The following CSMD1 variants were observed in gnomAD, a reference collection of about 807,000 sequenced individuals.
The protein encoded by CSMD1 is CUB and Sushi multiple domains 1.
Under a neutral mutation model 417.5 loss-of-function variants are expected in CSMD1, and 213 were observed. The ratio of observed to expected loss-of-function variants is 0.51; its 90% CI spans 0.46 to 0.57. CSMD1 has a LOEUF of 0.57. Ranked by LOEUF, CSMD1 falls within the 20% of genes least tolerant of loss-of-function variation. CSMD1 has a pLI of 0.00. For synonymous variants in CSMD1, 2,862 were observed against 1,736.8 expected, an observed-to-expected ratio of 1.65 and a Z score of -16.11; for missense variants, 6,923 against 4,529.7, an observed-to-expected ratio of 1.53 and a Z score of -15.17.
intron 3 of CSMD1, among the ~76,000 whole-genome samples, chr8:4,275,285 T>G (rs1309703238): frequency 6.6e-6 from 1 of 152,162 alleles, no homozygotes; most frequent in African/African-American, 2.4e-5. Context: ...CTTTTATGTT[T>G]TATTAAGAAC....
At chr8:4,405,052 G>A (rs959602333) in intron 3 of CSMD1, among the ~76,000 whole-genome samples, 2 of 152,192 alleles carry the variant, frequency 1.3e-5, no homozygotes, top group East Asian at 1.9e-4. Flanking sequence ...GACTATGCTG[G>A]ACACTTTCTC....
chr8:3,760,568 T>C (rs914458232), intron 5 of CSMD1, among the ~76,000 whole-genome samples: 6 of 152,226 alleles, frequency 3.9e-5, no homozygotes, highest in African/African-American at 1.4e-4. Context: ...GCTGAACACA[T>C]TGTTCTAACA....
intron 5 of CSMD1, among the ~76,000 whole-genome samples, chr8:3,940,358 G>A (rs1223169434): frequency 2.6e-5 from 4 of 151,816 alleles, no homozygotes; most frequent in African/African-American, 9.7e-5. Context: ...GCAATGGTGG[G>A]GGGAAAACAG....
At chr8:3,409,329 C>T in intron 13 of CSMD1, 94 bp downstream of exon 13, 1 of 1,197,722 alleles carries the variant, frequency 8.3e-7, no homozygotes, top group Non-Finnish European at 1.1e-6. Flanking sequence ...GAAAGCTGCC[C>T]TCCCTAAATG....
chr8:3,679,526 T>C (rs1294518902), intron 7 of CSMD1, among the ~76,000 whole-genome samples: 2 of 152,132 alleles, frequency 1.3e-5, no homozygotes, highest in Admixed American at 6.5e-5. Context: ...AGCACCCAGA[T>C]TCATAAAGCA....
chr8:3,656,471 A>G (rs140513523), intron 7 of CSMD1, among the ~76,000 whole-genome samples: 1 of 152,292 alleles, frequency 6.6e-6, no homozygotes, highest in East Asian at 1.9e-4. Flanking sequence ...GGTGGACAGA[A>G]ATCTGCATCT....
chr8:4,420,599 A>T (rs1585047366), intron 2 of CSMD1, among the ~76,000 whole-genome samples: 1 of 152,168 alleles, frequency 6.6e-6, no homozygotes, highest in South Asian at 2.1e-4. Flanking sequence ...TGTGCACTCA[A>T]ACATGAAAGT....
At chr8:4,550,456 T>C (rs1797821281) in intron 2 of CSMD1, among the ~76,000 whole-genome samples, 1 of 152,066 alleles carries the variant, frequency 6.6e-6, no homozygotes, top group South Asian at 2.1e-4. Flanking sequence ...CTAAAGGTAT[T>C]GCATTTTTAG....
chr8:3,702,226 G>T (rs1424323172), intron 7 of CSMD1: 1 of 152,168 alleles, frequency 6.6e-6, no homozygotes, highest in African/African-American at 2.4e-5. Context: ...ACAAAGTGTT[G>T]TAACTGCAAA....
At chr8:4,007,087 C>G (rs1279801292) in intron 4 of CSMD1, among the ~76,000 whole-genome samples, 1 of 152,036 alleles carries the variant, frequency 6.6e-6, no homozygotes, top group Admixed American at 6.6e-5. Context: ...ATCCAGCCAC[C>G]TCGGCCTCCC....
chr8:4,537,201 G>A (rs1040947948), intron 2 of CSMD1, among the ~76,000 whole-genome samples: 3 of 152,048 alleles, frequency 2.0e-5, no homozygotes, highest in Admixed American at 6.6e-5. Context: ...CAGCATTAAA[G>A]GGAAATATAA....
At chr8:4,924,084 G>C (rs62488173) in intron 1 of CSMD1, among the ~76,000 whole-genome samples, 9,212 of 152,224 alleles carry the variant, frequency 0.061, 384 homozygotes, top group Non-Finnish European at 0.078. Flanking sequence ...AACAAGACAA[G>C]TTTCTGCCGT....
intron 10 of CSMD1, among the ~76,000 whole-genome samples, chr8:3,511,722 C>T (rs7011139): frequency 0.034 from 5,108 of 148,214 alleles, 332 homozygotes; most frequent in East Asian, 0.22. Flanking sequence ...CACTATTGCC[C>T]TCCAGCAGGG....
At position 3,110,240 on chromosome 8, in the gene CSMD1, T is replaced by C. The variant is rs750634590; in HGVS notation, c.6526A>G (p.Ile2176Val). ...ACTCCGTGCCCTGGAGGCACCGTGA[T>C]GAGCCAAATGCAGTCCTTCAGGATC... Reference protein sequence around the residue: ...YPILKDCIWLITVPPGHGVYI... With the variant: ...YPILKDCIWLVTVPPGHGVYI... The change falls in exon 43 of 70, where the codon ATC becomes GTC. Residue 2176 changes from isoleucine (I) to valine (V), a missense_variant. By Grantham distance (29) the Ile-to-Val change is conservative. Coordinates refer to ENST00000635120, the MANE Select transcript of CSMD1 (RefSeq NM_033225.6). 2.5e-6 allele frequency: 4 copies of C among 1,613,410 alleles called. No homozygotes were observed. The South Asian group carries it at 4.4e-5, about 18-fold the overall frequency.
At chr8:4,923,635 T>A (rs962631072) in intron 1 of CSMD1, among the ~76,000 whole-genome samples, 1 of 152,104 alleles carries the variant, frequency 6.6e-6, no homozygotes, top group South Asian at 2.1e-4. Flanking sequence ...GTATTCTACA[T>A]TGCTTCCTGC....
intron 1 of CSMD1, among the ~76,000 whole-genome samples, chr8:4,837,906 A>T (rs776545504): frequency 6.6e-6 from 1 of 152,120 alleles, no homozygotes; most frequent in Admixed American, 6.5e-5. Context: ...AAATTAAAAA[A>T]AAATAAAAAT....
chr8:3,970,827 C>G (rs976198180), intron 5 of CSMD1, among the ~76,000 whole-genome samples: 1 of 152,170 alleles, frequency 6.6e-6, no homozygotes, highest in African/African-American at 2.4e-5. Flanking sequence ...ATCTGTCTCA[C>G]TGCAACCTCC....
intron 5 of CSMD1, among the ~76,000 whole-genome samples, chr8:3,969,502 T>C (rs569692699): frequency 7.2e-5 from 11 of 152,286 alleles, no homozygotes; most frequent in East Asian, 1.9e-4. Flanking sequence ...CCCCTTTCCC[T>C]TGTACAAGTT....
At chr8:4,673,171 A>T (rs1194651112) in intron 1 of CSMD1, among the ~76,000 whole-genome samples, 1 of 152,126 alleles carries the variant, frequency 6.6e-6, no homozygotes, top group East Asian at 1.9e-4. Context: ...ATGGAAGGAA[A>T]AAGAAAGAAA....
Sources: allele counts gnomAD v4.1 joint callset (sites outside exome capture counted in the v4.1 genomes callset), GRCh38; gene constraint gnomAD v4.1.1; transcripts MANE v1.5; gene names NCBI Gene and HGNC (gene_info 2026-07-23, HGNC 2026-07-21).